ELFN2: variants seen among roughly 807,000 people sequenced by gnomAD.
ELFN2 encodes the protein protein phosphatase 1 regulatory subunit 29.
In ELFN2, 17 loss-of-function variants were observed where a neutral mutation model predicts 45.5. The observed-to-expected ratio is 0.37, with a 90% CI of 0.26 to 0.56. The LOEUF (loss-of-function observed/expected upper bound fraction) is 0.56, where lower values mean the gene tolerates loss of function less well. Ranked by LOEUF, ELFN2 falls within the 20% of genes least tolerant of loss-of-function variation. The probability of loss-of-function intolerance (pLI) is 0.77; values close to 1 mark genes in which losing one functional copy is unlikely to be tolerated. For missense variants in ELFN2, 922 were observed against 1,183.2 expected, an observed-to-expected ratio of 0.78 and a Z score of 3.24; for synonymous variants, 550 against 551.5, an observed-to-expected ratio of 1.00 and a Z score of 0.04.
intron 2 of ELFN2, among the ~76,000 whole-genome samples, chr22:37,403,899 A>T (rs1165102093): frequency 6.6e-6 from 1 of 152,222 alleles, no homozygotes; most frequent in Non-Finnish European, 1.5e-5. Context: ...CCCTGTCTGT[A>T]AAATGGGCAA....
At chr22:37,350,416 C>T (rs185602628) in intron 1 of ELFN2, among the ~76,000 whole-genome samples, 201 of 150,682 alleles carry the variant, frequency 1.3e-3, no homozygotes, top group African/African-American at 4.6e-3. Flanking sequence ...GCAGGGGACT[C>T]GGTGGCCTCA....
rs1015024907 is a variant in ELFN2 at position 37,370,544 on chromosome 22, A to T, written c.*2528T>A. Reference sequence around the variant, plus strand: ...TCCACCGGGACAAGAGCCCTTGAGGAGGCTTCCCTGGGGCTGCCCTCCCTG... The same window carrying T: ...TCCACCGGGACAAGAGCCCTTGAGGTGGCTTCCCTGGGGCTGCCCTCCCTG... On this transcript the variant is annotated 3_prime_UTR_variant, in exon 3 of 3. Transcript: ENST00000402918. 3.3e-5 allele frequency: 5 copies of T among 152,440 alleles called. No individual in the cohort carries two copies. Among genetic ancestry groups the T allele is most frequent in the South Asian group, 2.1e-4 (1 of 4,824 alleles). 9.4% of individuals were successfully genotyped at this position (152,440 alleles called of 1,614,324 possible).
chr22:37,386,785 G>A (rs1005336107), intron 2 of ELFN2, among the ~76,000 whole-genome samples: 15 of 152,212 alleles, frequency 9.9e-5, no homozygotes, highest in Admixed American at 4.6e-4. Context: ...CCAACTCCGC[G>A]TGGCCAGTCC....
chr22:37,344,089 C>CTGCCT (rs1930632058), intron 1 of ELFN2, among the ~76,000 whole-genome samples: 1 of 126,058 alleles, frequency 7.9e-6, no homozygotes, highest in Non-Finnish European at 1.7e-5. Flanking sequence ...TGCCCAACCC[C>CTGCCT]ACCTGCCCAT....
At chr22:37,358,096 GACT>G (rs1417953351) in intron 1 of ELFN2, among the ~76,000 whole-genome samples, 1 of 152,052 alleles carries the variant, frequency 6.6e-6, no homozygotes, top group East Asian at 1.9e-4. Context: ...ATTCACCCTG[GACT>G]GACCATAGCC....
At chr22:37,416,051 C>G (rs2145686457) in intron 2 of ELFN2, among the ~76,000 whole-genome samples, 1 of 152,290 alleles carries the variant, frequency 6.6e-6, no homozygotes, top group Non-Finnish European at 1.5e-5. Context: ...ATCCATGAGC[C>G]CAAATAACAG....
chr22:37,407,724 C>T (rs973188735), intron 2 of ELFN2, among the ~76,000 whole-genome samples: 1 of 151,330 alleles, frequency 6.6e-6, no homozygotes, highest in Admixed American at 6.6e-5. Flanking sequence ...GGTGAAACCC[C>T]ATCTCTACTA....
At chr22:37,367,067 CCA>C (rs1931222171), downstream of ELFN2, among the ~76,000 whole-genome samples, 1 of 152,238 alleles carries the variant, frequency 6.6e-6, no homozygotes, top group Non-Finnish European at 1.5e-5. Flanking sequence ...TAGCTCAGAC[CCA>C]CAGAGTCCAG....
chr22:37,386,162 C>T (rs908434960), intron 2 of ELFN2, among the ~76,000 whole-genome samples: 2 of 152,180 alleles, frequency 1.3e-5, no homozygotes, highest in African/African-American at 2.4e-5. Context: ...ATTATTCCCA[C>T]CCCACAGAAC....
At chr22:37,358,504 TGCAGAGTTTCAG>T (rs2145619917) in intron 1 of ELFN2, among the ~76,000 whole-genome samples, 1 of 152,358 alleles carries the variant, frequency 6.6e-6, no homozygotes, top group African/African-American at 2.4e-5. Flanking sequence ...TTTCCTAAAC[TGCAGAGTTTCAG>T]GCATCTGCAT....
At chr22:37,343,758 A>C (rs1930621191) in intron 1 of ELFN2, among the ~76,000 whole-genome samples, 1 of 56,036 alleles carries the variant, frequency 1.8e-5, no homozygotes, top group Non-Finnish European at 3.3e-5. Context: ...GTGTTCACCC[A>C]CCTCAGTCCC....
At position 37,373,614 on chromosome 22, in the gene ELFN2, T is replaced by C; in HGVS notation, c.1921A>G (p.Lys641Glu). The change falls in exon 3 of 3, where the codon AAG becomes GAG. Residue 641 changes from lysine (K) to glutamate (E), a missense_variant. This residue lies in a region of ELFN2 where 564 missense variants were observed against 642.8 expected (regional missense o/e 0.88). Transcript: ENST00000402918. Reference sequence around the variant, plus strand: ...TCGGGCACGTCCAGGCTAAAGACCTTGGCGCTCTTGATGGAACCACTGGAC... The same window carrying C: ...TCGGGCACGTCCAGGCTAAAGACCTCGGCGCTCTTGATGGAACCACTGGAC... ...VSSSGSIKSA[K>E]VFSLDVPDHP... is the part of the protein sequence containing the mutation. 6.2e-7 allele frequency: 1 copy of C among 1,603,662 alleles called. No individual in the cohort carries two copies. The highest frequency in any genetic ancestry group is 8.5e-7 in the Non-Finnish European group (1 of 1,176,580).
intron 2 of ELFN2, among the ~76,000 whole-genome samples, chr22:37,399,264 C>T (rs1249296125): frequency 6.6e-6 from 1 of 152,162 alleles, no homozygotes; most frequent in East Asian, 1.9e-4. Context: ...CTGCCTCCTA[C>T]AGGAAGCCTT....
chr22:37,420,254 C>T (rs1284861202), intron 1 of ELFN2: 2 of 152,222 alleles, frequency 1.3e-5, no homozygotes, highest in Non-Finnish European at 2.9e-5. Context: ...CCCGCCCGCC[C>T]CCTCCTCCGG....
At position 37,374,563 on chromosome 22, in the gene ELFN2, G is replaced by A; in HGVS notation, c.972C>T (p.Ile324=). ...IIPHPYSKMY[I]LVQYNNSYFS... Reference sequence around the variant, plus strand: ...AGTAGCTGTTGTTGTACTGCACGAGGATGTACATCTTGCTGTAGGGGTGTG... The same window carrying A: ...AGTAGCTGTTGTTGTACTGCACGAGAATGTACATCTTGCTGTAGGGGTGTG... The change falls in exon 3 of 3, where the codon ATC becomes ATT. Residue 324 remains isoleucine, a synonymous_variant. Coordinates refer to ENST00000402918, the MANE Select transcript of ELFN2 (RefSeq NM_052906.5). The A allele has an allele frequency of 6.2e-7, 1 of 1,614,250 alleles. No homozygotes were observed.
intron 2 of ELFN2, among the ~76,000 whole-genome samples, chr22:37,393,690 G>A (rs1932139156): frequency 6.6e-6 from 1 of 152,146 alleles, no homozygotes; most frequent in Admixed American, 6.5e-5. Flanking sequence ...CCTAAGCCAG[G>A]CTGGAGCTGG....
intron 2 of ELFN2, among the ~76,000 whole-genome samples, chr22:37,342,403 G>T (rs1160199558): frequency 3.3e-5 from 5 of 152,118 alleles, no homozygotes; most frequent in Admixed American, 3.3e-4. Flanking sequence ...CTGTCCTCTT[G>T]CAGAGGAGGG....
In ELFN2 at chr22:37,412,292, A is replaced by AAAAG. The variant is rs71296617; in HGVS notation, c.-463+5473_-463+5476dup. Among the ~76,000 whole-genome samples, 410 of 146,314 alleles carry AAAAG rather than the reference A, an allele frequency of 2.8e-3. 5 individuals are homozygous for AAAAG. Among genetic ancestry groups the AAAAG allele is most frequent in the African/African-American group, 3.9e-3 (150 of 38,218 alleles). On this transcript the variant is annotated intron_variant, in intron 2 of 2. Transcript: ENST00000402918. ...AACTCCGTCTCAAAAAAAAAAAAAA[A>AAAAG]AAAGAAAGAAAGAAAAGGAAAAAAG...
rs890219309 is a variant in ELFN2, at chr22:37,372,939, C to T, written c.*133G>A. On this transcript the variant is annotated 3_prime_UTR_variant, in exon 3 of 3. Coordinates refer to ENST00000402918, the MANE Select transcript of ELFN2 (RefSeq NM_052906.5). This position sits in a 1 kb window ranked among gnomAD's most constrained non-coding sequence, Gnocchi z 4.4. ...GGTCAGGTGTGTGTGTGCGTGCGTG[C>T]GTGCGGGTCTGCATGTGCGTCCTCT... 10 of 953,742 alleles carry T rather than the reference C, an allele frequency of 1.0e-5. No individual in the cohort carries two copies. Among genetic ancestry groups the T allele is most frequent in the African/African-American group, 6.6e-5 (4 of 60,458 alleles). The allele number at this position is 953,742 out of a possible 1,614,324, so 59.1% of individuals were successfully genotyped here.
Sources: gnomAD v4.1 joint callset for allele counts (sites outside exome capture counted in the v4.1 genomes callset) on GRCh38, gnomAD v4.1.1 for gene constraint, gnomAD v4.1.1 regional missense constraint, Gnocchi (gnomAD v3.1) non-coding constraint, MANE v1.5 for transcripts, NCBI Gene and HGNC (gene_info 2026-07-23, HGNC 2026-07-21) for gene names.